Variants in RGS5 observed in about 807,000 individuals in gnomAD.
RGS5 encodes regulator of G-protein signalling 5.
A neutral mutation model predicts 18.9 loss-of-function variants in RGS5; 20 were observed. The observed-to-expected ratio is 1.06, with a 90% confidence interval of 0.74 to 1.54. The LOEUF (loss-of-function observed/expected upper bound fraction) is 1.54. Ranked by LOEUF, RGS5 falls within the 40% of genes most tolerant of loss-of-function variation. The probability of loss-of-function intolerance (pLI) is 0.00; values close to 1 mark genes in which losing one functional copy is unlikely to be tolerated. For synonymous variants in RGS5, 57 were observed against 76.2 expected, an observed-to-expected ratio of 0.75 and a Z score of 1.31; for missense variants, 201 against 211.8, an observed-to-expected ratio of 0.95 and a Z score of 0.32.
chr1:163,242,404 C>G (rs534407015), intron 2 of RGS5, among the ~76,000 whole-genome samples: 9 of 152,166 alleles, frequency 5.9e-5, no homozygotes, highest in African/African-American at 1.9e-4. Context: ...CCAAATAAAC[C>G]AGGTGTTCTC....
chr1:163,175,290 G>A (rs978812261), intron 1 of RGS5, among the ~76,000 whole-genome samples: 1 of 152,166 alleles, frequency 6.6e-6, no homozygotes, highest in Non-Finnish European at 1.5e-5. Context: ...GAGACTGACA[G>A]AGGGAAGAGG....
chr1:163,172,523 A>G, intron 1 of RGS5: 1 of 1,542,284 alleles, frequency 6.5e-7, no homozygotes, highest in African/African-American at 1.4e-5. Flanking sequence ...CCAAGAGAAA[A>G]TCGTATTCCA....
At chr1:163,206,897 T>C (rs1232876512), upstream of RGS5, 1 of 152,210 alleles carries the variant, frequency 6.6e-6, no homozygotes, top group Non-Finnish European at 1.5e-5. Context: ...AAGTATATAG[T>C]AATTATTGGT....
intron 1 of RGS5, among the ~76,000 whole-genome samples, chr1:163,216,358 G>A (rs1415094232): frequency 6.6e-6 from 1 of 152,060 alleles, no homozygotes; most frequent in African/African-American, 2.4e-5. Flanking sequence ...GAAACCTCTT[G>A]GCCTGGGAAA....
intron 2 of RGS5, among the ~76,000 whole-genome samples, chr1:163,266,004 G>C (rs1427935998): frequency 2.6e-5 from 4 of 152,056 alleles, no homozygotes; most frequent in Non-Finnish European, 5.9e-5. Flanking sequence ...CTGTGCCCTA[G>C]AGTTATCAGC....
upstream of RGS5, among the ~76,000 whole-genome samples, chr1:163,205,196 G>T (rs185270217): frequency 1.7e-4 from 26 of 152,066 alleles, no homozygotes; most frequent in Non-Finnish European, 2.6e-4. Flanking sequence ...ATTCAATAAA[G>T]TTTCAATAGG....
intron 2 of RGS5, among the ~76,000 whole-genome samples, chr1:163,230,024 G>A (rs1234135045): frequency 2.6e-5 from 4 of 152,184 alleles, no homozygotes; most frequent in Non-Finnish European, 5.9e-5. Flanking sequence ...TTAGAAACAA[G>A]CCTCTCTTCA....
At chr1:163,197,515 T>A (rs982722504) in intron 1 of RGS5, among the ~76,000 whole-genome samples, 2 of 152,156 alleles carry the variant, frequency 1.3e-5, no homozygotes, top group Non-Finnish European at 1.5e-5. Flanking sequence ...TTTATCTCCC[T>A]AACTGGGCTT....
intron 1 of RGS5, among the ~76,000 whole-genome samples, chr1:163,215,925 A>G: frequency 6.6e-6 from 1 of 151,984 alleles, no homozygotes; most frequent in South Asian, 2.1e-4. Context: ...AATAATAAAA[A>G]TAAAATAAAA....
chr1:163,297,295 G>A (rs1251822071), intron 2 of RGS5, among the ~76,000 whole-genome samples: 2 of 152,128 alleles, frequency 1.3e-5, no homozygotes, highest in African/African-American at 2.4e-5. Context: ...CAGATAATGC[G>A]TCAAGGTTTC....
intron 2 of RGS5, among the ~76,000 whole-genome samples, chr1:163,223,096 C>T (rs183567388): frequency 3.4e-4 from 51 of 152,208 alleles, no homozygotes; most frequent in East Asian, 2.3e-3. Context: ...CCTCCCACCT[C>T]GGTCTCTCAA....
intron 1 of RGS5, among the ~76,000 whole-genome samples, chr1:163,314,372 T>C (rs1297607126): frequency 6.6e-6 from 1 of 152,100 alleles, no homozygotes; most frequent in Admixed American, 6.6e-5. Context: ...TGCATAGACT[T>C]AGACCCCTTT....
At chr1:163,231,588 C>T (rs1233749324) in intron 2 of RGS5, among the ~76,000 whole-genome samples, 1 of 152,054 alleles carries the variant, frequency 6.6e-6, no homozygotes, top group East Asian at 1.9e-4. Flanking sequence ...GTGGTATGCA[C>T]AAGGCTAGAG....
At chr1:163,313,215 T>C (rs764055302) in intron 1 of RGS5, among the ~76,000 whole-genome samples, 20 of 152,176 alleles carry the variant, frequency 1.3e-4, no homozygotes, top group Non-Finnish European at 2.1e-4. Context: ...AAATTCCTCA[T>C]GCAGAAAAAT....
At position 163,142,612 on chromosome 1, in the gene RGS5, ATATT is replaced by A. The variant is rs1656968446; in HGVS notation, c.*4726_*4729del. ...ATGACATAAAAAGAACTTTTGGCAA[ATATT>A]TATTCAGATTGCTTGTCTCCAGTGG... is the stretch of plus-strand genomic sequence containing the variant. On this transcript the variant is annotated 3_prime_UTR_variant, in exon 5 of 5. Coordinates refer to ENST00000313961, the MANE Select transcript of RGS5 (RefSeq NM_003617.4). 1 of 152,136 alleles carries A rather than the reference ATATT, an allele frequency of 6.6e-6. No individual in the cohort carries two copies. Among genetic ancestry groups the A allele is most frequent in the African/African-American group, 2.4e-5 (1 of 41,436 alleles). 9.4% of individuals were successfully genotyped at this position (152,136 alleles called of 1,614,324 possible). A position where few individuals can be genotyped will look rare whatever the true frequency, so the allele number is the denominator to read the frequency against.
chr1:163,152,328 T>A (rs1487136680), intron 4 of RGS5: 1 of 420,562 alleles, frequency 2.4e-6, no homozygotes, highest in South Asian at 7.3e-5. Context: ...TGGAGGTTAG[T>A]GGAGGTGAGA....
chr1:163,239,106 G>T, intron 2 of RGS5: 1 of 177,656 alleles, frequency 5.6e-6, no homozygotes, highest in South Asian at 1.5e-4. Flanking sequence ...TAACTGTCAT[G>T]GCATCAGGAA....
intron 3 of RGS5, among the ~76,000 whole-genome samples, chr1:163,158,705 T>TCACAGGAC (rs760270147): frequency 6.3e-4 from 96 of 152,220 alleles, no homozygotes; most frequent in Admixed American, 3.7e-3. Flanking sequence ...CAGGGCAAGA[T>TCACAGGAC]CACAGGACCA....
chr1:163,203,060 T>C (rs1659843860), upstream of RGS5: 1 of 520,270 alleles, frequency 1.9e-6, no homozygotes, highest in Non-Finnish European at 3.5e-6. Flanking sequence ...ATCCTTTCTC[T>C]GCTACAGGCA....
Sources: allele counts gnomAD v4.1 joint callset (sites outside exome capture counted in the v4.1 genomes callset), GRCh38; gene constraint gnomAD v4.1.1; transcripts MANE v1.5; gene names NCBI Gene and HGNC (gene_info 2026-07-23, HGNC 2026-07-21).